Variants in ADGRL2 observed in about 807,000 individuals in gnomAD.
ADGRL2 encodes adhesion G protein-coupled receptor L2.
ADGRL2 carries 44 observed loss-of-function variants against 157.4 expected under a neutral mutation model. The ratio of observed to expected loss-of-function variants is 0.28; its 90% CI spans 0.22 to 0.36. The LOEUF (loss-of-function observed/expected upper bound fraction) is 0.36. ADGRL2 is among the 10% of genes least tolerant of loss of function. The pLI is 1.00. For synonymous variants in ADGRL2, 585 were observed against 624.7 expected, an observed-to-expected ratio of 0.94 and a Z score of 0.95; for missense variants, 1,510 against 1,768.9, an observed-to-expected ratio of 0.85 and a Z score of 2.63.
intron 1 of ADGRL2, among the ~76,000 whole-genome samples, chr1:81,349,285 A>G (rs1191346410): frequency 6.6e-6 from 1 of 152,156 alleles, no homozygotes; most frequent in Non-Finnish European, 1.5e-5. Context: ...CACAAATGCT[A>G]AGTGATAGGT....
At chr1:81,590,841 C>T (rs1316910309) in intron 3 of ADGRL2, among the ~76,000 whole-genome samples, 1 of 151,984 alleles carries the variant, frequency 6.6e-6, no homozygotes, top group Non-Finnish European at 1.5e-5. Flanking sequence ...TTACATTAGA[C>T]CTATCATGTA....
intron 1 of ADGRL2, among the ~76,000 whole-genome samples, chr1:81,312,209 T>C (rs1419440844): frequency 6.6e-6 from 1 of 152,098 alleles, no homozygotes; most frequent in Non-Finnish European, 1.5e-5. Flanking sequence ...CAATAAGAAA[T>C]CTACAGAAAG....
intron 1 of ADGRL2, among the ~76,000 whole-genome samples, chr1:81,721,362 A>G (rs556089015): frequency 6.6e-5 from 10 of 152,246 alleles, no homozygotes; most frequent in Non-Finnish European, 1.2e-4. Flanking sequence ...TTCACTTTCA[A>G]TTATGTATCT....
chr1:81,636,477 C>A (rs2082117280), intron 3 of ADGRL2, among the ~76,000 whole-genome samples: 1 of 151,968 alleles, frequency 6.6e-6, no homozygotes, highest in Admixed American at 6.6e-5. Flanking sequence ...AGTCTAAAAG[C>A]CTTCCTCGGA....
chr1:81,404,374 T>G (rs1436646080), intron 1 of ADGRL2, among the ~76,000 whole-genome samples: 1 of 152,228 alleles, frequency 6.6e-6, no homozygotes, highest in Non-Finnish European at 1.5e-5. Context: ...TAGCGTTTAG[T>G]ATGTCCCAGA....
Position 81,966,503 on chromosome 1 carries a change from A to G in ADGRL2, c.2243A>G (p.Asn748Ser). ...CTGGGTGCTGATTTTATTGGTCGTAATAGCACCATTGCAGTGAACTCTCAC... is the reference window on the plus strand; with the variant it reads ...CTGGGTGCTGATTTTATTGGTCGTAGTAGCACCATTGCAGTGAACTCTCAC... Reference protein sequence around the residue: ...IKLGADFIGRNSTIAVNSHVI... With the variant: ...IKLGADFIGRSSTIAVNSHVI... The change falls in exon 13 of 24, where the codon AAT becomes AGT. Residue 748 changes from asparagine (N) to serine (S), a missense_variant. Coordinates refer to ENST00000686636, the MANE Select transcript of ADGRL2 (RefSeq NM_001366006.2). 6.2e-7 allele frequency: 1 copy of G among 1,613,844 alleles called. No individual in the cohort carries two copies. Among genetic ancestry groups the G allele is most frequent in the East Asian group, 2.2e-5 (1 of 44,868 alleles).
intron 2 of ADGRL2, among the ~76,000 whole-genome samples, chr1:81,540,605 G>T (rs2079859185): frequency 6.6e-6 from 1 of 152,168 alleles, no homozygotes; most frequent in African/African-American, 2.4e-5. Context: ...TGTGGGACTA[G>T]AAAGAGCATT....
intron 2 of ADGRL2, among the ~76,000 whole-genome samples, chr1:81,774,283 C>T (rs2086490408): frequency 6.6e-6 from 1 of 152,180 alleles, no homozygotes; most frequent in African/African-American, 2.4e-5. Flanking sequence ...TTAGTTTAGG[C>T]TTTATTTGTT....
intron 1 of ADGRL2, among the ~76,000 whole-genome samples, chr1:81,415,842 C>A (rs2077022707): frequency 9.1e-6 from 1 of 109,750 alleles, no homozygotes; most frequent in Admixed American, 9.5e-5. Context: ...ATCTCCTTTT[C>A]CTTTTTTTTT....
At chr1:81,467,823 TAGAA>T (rs891233514) in intron 2 of ADGRL2, among the ~76,000 whole-genome samples, 36 of 152,016 alleles carry the variant, frequency 2.4e-4, no homozygotes, top group Admixed American at 2.2e-3. Context: ...TTGATTTTAA[TAGAA>T]AGGAACAATA....
At chr1:81,323,816 T>G (rs983441014) in intron 1 of ADGRL2, among the ~76,000 whole-genome samples, 32 of 152,082 alleles carry the variant, frequency 2.1e-4, no homozygotes, top group Non-Finnish European at 1.5e-5. Flanking sequence ...GAATAGCATA[T>G]GCAAACCTCA....
chr1:81,814,045 G>T (rs1332945979), intron 1 of ADGRL2, among the ~76,000 whole-genome samples: 1 of 151,646 alleles, frequency 6.6e-6, no homozygotes, highest in Non-Finnish European at 1.5e-5. Context: ...GTACTGAAAA[G>T]TTAATCAAAT....
At chr1:81,873,116 A>G (rs929787082) in intron 2 of ADGRL2, among the ~76,000 whole-genome samples, 2 of 152,084 alleles carry the variant, frequency 1.3e-5, no homozygotes, top group Non-Finnish European at 2.9e-5. Context: ...TAAGCCACCT[A>G]CCTATTTCCA....
At chr1:81,570,373 C>CGTTTGTTT in intron 2 of ADGRL2, among the ~76,000 whole-genome samples, 1 of 151,884 alleles carries the variant, frequency 6.6e-6, no homozygotes, top group African/African-American at 2.4e-5. Context: ...GAGGATATTA[C>CGTTTGTTT]ATTCGTTTGT....
At chr1:81,823,071 G>C (rs1477369047) in intron 1 of ADGRL2, among the ~76,000 whole-genome samples, 1 of 150,660 alleles carries the variant, frequency 6.6e-6, no homozygotes, top group African/African-American at 2.4e-5. Flanking sequence ...AAATAGTCTG[G>C]CATAGAAAAA....
At chr1:81,927,782 G>A (rs284218) in intron 3 of ADGRL2, among the ~76,000 whole-genome samples, 118,052 of 151,842 alleles carry the variant, frequency 0.78, 46,198 homozygotes, top group East Asian at 0.94. Flanking sequence ...ATTACACACC[G>A]TTTAGCTTCC....
intron 10 of ADGRL2, among the ~76,000 whole-genome samples, chr1:81,953,812 A>G (rs971924509): frequency 6.6e-6 from 1 of 152,210 alleles, no homozygotes; most frequent in African/African-American, 2.4e-5. Context: ...TCAGGGGACC[A>G]TAACCATGGT....
chr1:81,379,140 A>C (rs966291338), intron 1 of ADGRL2, among the ~76,000 whole-genome samples: 4 of 152,090 alleles, frequency 2.6e-5, no homozygotes, highest in African/African-American at 9.7e-5. Flanking sequence ...ATGGGAGAGA[A>C]CCACAGAACA....
At chr1:81,653,819 AAAGAT>A (rs1415469677) in intron 3 of ADGRL2, among the ~76,000 whole-genome samples, 1 of 152,182 alleles carries the variant, frequency 6.6e-6, no homozygotes, top group Non-Finnish European at 1.5e-5. Flanking sequence ...CAGATCCTGA[AAAGAT>A]GATTGCCTAC....
Sources: gnomAD v4.1 joint callset for allele counts (sites outside exome capture counted in the v4.1 genomes callset) on GRCh38, gnomAD v4.1.1 for gene constraint, MANE v1.5 for transcripts, NCBI Gene and HGNC (gene_info 2026-07-23, HGNC 2026-07-21) for gene names.